The following ZMAT3 variants were observed in gnomAD, a reference collection of about 807,000 sequenced individuals.
ZMAT3 encodes the protein zinc finger matrin-type 3.
A neutral mutation model predicts 32.3 loss-of-function variants in ZMAT3; 17 were observed. The observed-to-expected ratio is 0.53, with a 90% CI of 0.36 to 0.79. The LOEUF is 0.79. ZMAT3 is among the 30% of genes least tolerant of loss of function. ZMAT3 has a pLI of 0.00. For missense variants in ZMAT3, 329 were observed against 359.7 expected (o/e 0.91, Z 0.69); for synonymous variants, 120 against 133.1 (o/e 0.90, Z 0.68).
chr3:179,057,060 G>A (rs1425140959), intron 2 of ZMAT3, among the ~76,000 whole-genome samples: 4 of 152,216 alleles, frequency 2.6e-5, no homozygotes, highest in East Asian at 3.9e-4. Flanking sequence ...AGGATTCCGC[G>A]TCCTTTCCCT....
intron 2 of ZMAT3, among the ~76,000 whole-genome samples, chr3:179,058,037 G>C (rs538389244): frequency 1.3e-5 from 2 of 152,198 alleles, no homozygotes; most frequent in Non-Finnish European, 2.9e-5. Context: ...ACACAGGTCC[G>C]AGGGATGAGC....
chr3:179,069,179 A>G (rs536595627), intron 1 of ZMAT3, among the ~76,000 whole-genome samples: 51 of 152,320 alleles, frequency 3.3e-4, no homozygotes, highest in Admixed American at 6.5e-4. Flanking sequence ...GTAATGGATC[A>G]CACCACCATA....
intron 2 of ZMAT3, among the ~76,000 whole-genome samples, chr3:179,063,742 T>A (rs1721265035): frequency 1.3e-5 from 2 of 152,246 alleles, no homozygotes; most frequent in South Asian, 4.1e-4. Flanking sequence ...AGCCTGCAGA[T>A]AGACTTTAAT....
intron 1 of ZMAT3, among the ~76,000 whole-genome samples, chr3:179,069,916 G>GT (rs1215582896): frequency 6.6e-6 from 1 of 152,078 alleles, no homozygotes; most frequent in Non-Finnish European, 1.5e-5. Flanking sequence ...CTCTGTAATG[G>GT]TATTATTTCT....
intron 2 of ZMAT3, among the ~76,000 whole-genome samples, chr3:179,059,394 C>G (rs1261209762): frequency 3.9e-5 from 6 of 152,178 alleles, no homozygotes; most frequent in Admixed American, 3.9e-4. Flanking sequence ...CCAAACCTTT[C>G]ACTTAGGCAT....
chr3:179,030,453 C>T (rs369775362), intron 3 of ZMAT3, among the ~76,000 whole-genome samples: 2 of 149,934 alleles, frequency 1.3e-5, no homozygotes, highest in East Asian at 2.0e-4. Flanking sequence ...CTCCCGGGTT[C>T]GCACCTTTCT....
At chr3:179,026,403 T>TTTTTG (rs1718873050) in intron 5 of ZMAT3, among the ~76,000 whole-genome samples, 1 of 143,826 alleles carries the variant, frequency 7.0e-6, no homozygotes, top group African/African-American at 2.6e-5. Flanking sequence ...TTTTTTTTTT[T>TTTTTG]TGAGACAGAG....
In ZMAT3 at chr3:179,059,313, T is replaced by C. The variant is rs186125479; in HGVS notation, c.270+8170A>G. ...GGGACATCATTTCCTCCCCTCAGGATGGCTAGCCACCGAAGAAGGAAAAAT... is the reference window on the plus strand; with the variant it reads ...GGGACATCATTTCCTCCCCTCAGGACGGCTAGCCACCGAAGAAGGAAAAAT... On this transcript the variant is annotated intron_variant, in intron 2 of 5. Coordinates refer to ENST00000311417, the MANE Select transcript of ZMAT3 (RefSeq NM_022470.4). Among the ~76,000 whole-genome samples the C allele has an allele frequency of 1.4e-3, 208 of 152,252 alleles. 3 individuals carry two copies. Among genetic ancestry groups the C allele is most frequent in the African/African-American group, 4.9e-3 (202 of 41,534 alleles).
chr3:179,049,900 G>A (rs982785020), intron 2 of ZMAT3, among the ~76,000 whole-genome samples: 13 of 141,272 alleles, frequency 9.2e-5, no homozygotes, highest in Non-Finnish European at 1.7e-4. Flanking sequence ...GCTGAGGCAG[G>A]AGAATGGCAT....
intron 5 of ZMAT3, 141 bp from the exon 6 acceptor site, chr3:179,025,369 T>C: frequency 5.5e-6 from 4 of 728,644 alleles, no homozygotes; most frequent in Non-Finnish European, 8.8e-6. Flanking sequence ...GTGAAGTTAA[T>C]GGATTTTTAA....
chr3:179,063,308 C>T (rs1484060686), intron 2 of ZMAT3, among the ~76,000 whole-genome samples: 3 of 152,214 alleles, frequency 2.0e-5, no homozygotes, highest in Non-Finnish European at 4.4e-5. Context: ...GTGCCAAAAT[C>T]AGTGCTTTAA....
chr3:179,040,249 T>C (rs983282581), intron 2 of ZMAT3, among the ~76,000 whole-genome samples: 1 of 152,146 alleles, frequency 6.6e-6, no homozygotes, highest in African/African-American at 2.4e-5. Context: ...AAGATACTCC[T>C]TGGGAAGAGC....
At chr3:179,032,599 C>T (rs907836911) in intron 2 of ZMAT3, among the ~76,000 whole-genome samples, 3 of 150,324 alleles carry the variant, frequency 2.0e-5, no homozygotes, top group Admixed American at 6.6e-5. Context: ...ATGTGGGGAG[C>T]ACCTCTGCCC....
Position 179,019,740 on chromosome 3 carries a change from G to A in ZMAT3, c.*5277C>T, listed in dbSNP as rs1298934039. 1 of 152,070 alleles carries A rather than the reference G, an allele frequency of 6.6e-6. No homozygotes were observed. Among genetic ancestry groups the A allele is most frequent in the Non-Finnish European group, 1.5e-5 (1 of 67,998 alleles). 9.4% of individuals were successfully genotyped at this position (152,070 alleles called of 1,614,324 possible). A position where few individuals can be genotyped will look rare whatever the true frequency, so the allele number is the denominator to read the frequency against. ...AATGGCTTCAAACCTGATTTGTGAA[G>A]ATGCTTCATTTAATATAGAAATGAA... On this transcript the variant is annotated 3_prime_UTR_variant, in exon 6 of 6. Coordinates refer to ENST00000311417, the MANE Select transcript of ZMAT3 (RefSeq NM_022470.4).
intron 2 of ZMAT3, among the ~76,000 whole-genome samples, chr3:179,041,417 G>C (rs1719920515): frequency 1.3e-5 from 2 of 152,130 alleles, no homozygotes; most frequent in African/African-American, 4.8e-5. Flanking sequence ...TAGAACTCAG[G>C]ATTAAGAAAC....
intron 2 of ZMAT3, among the ~76,000 whole-genome samples, chr3:179,039,585 A>G (rs188276463): frequency 6.6e-6 from 1 of 152,368 alleles, no homozygotes; most frequent in Non-Finnish European, 1.5e-5. Flanking sequence ...GGTCACCAAC[A>G]TCAAAGACCA....
At chr3:179,051,279 A>T (rs951277544) in intron 2 of ZMAT3, among the ~76,000 whole-genome samples, 2 of 152,238 alleles carry the variant, frequency 1.3e-5, no homozygotes, top group African/African-American at 4.8e-5. Flanking sequence ...TGGTAAATGA[A>T]TTCAGCAAAG....
At chr3:179,040,029 G>GA (rs944729725) in intron 2 of ZMAT3, among the ~76,000 whole-genome samples, 8 of 151,976 alleles carry the variant, frequency 5.3e-5, no homozygotes, top group Non-Finnish European at 8.8e-5. Flanking sequence ...GACATGGTTA[G>GA]AAAAAAAGAG....
At chr3:179,055,118 A>G (rs1720767878) in intron 2 of ZMAT3, among the ~76,000 whole-genome samples, 1 of 152,114 alleles carries the variant, frequency 6.6e-6, no homozygotes, top group Admixed American at 6.5e-5. Flanking sequence ...GGCAACCACA[A>G]AGGGACCTCC....
Sources: allele counts gnomAD v4.1 joint callset (sites outside exome capture counted in the v4.1 genomes callset), GRCh38; gene constraint gnomAD v4.1.1; transcripts MANE v1.5; gene names NCBI Gene and HGNC (gene_info 2026-07-23, HGNC 2026-07-21).